The following CALD1 variants were observed in gnomAD, a reference collection of about 807,000 sequenced individuals.
CALD1 encodes caldesmon.
Under a neutral mutation model 99.9 loss-of-function variants are expected in CALD1, and 33 were observed. The ratio of observed to expected loss-of-function variants is 0.33; its 90% confidence interval spans 0.25 to 0.44. The LOEUF (loss-of-function observed/expected upper bound fraction) is 0.44. CALD1 is among the 20% of genes least tolerant of loss of function. The pLI, the probability that CALD1 is intolerant of heterozygous loss-of-function variation, is 1.00. For missense variants in CALD1, 861 were observed against 962.1 expected (o/e 0.89, Z 1.39); for synonymous variants, 310 against 325.0 (o/e 0.95, Z 0.50).
chr7:134,847,715 T>A (rs1799910725), intron 2 of CALD1, among the ~76,000 whole-genome samples: 1 of 152,168 alleles, frequency 6.6e-6, no homozygotes, highest in South Asian at 2.1e-4. Context: ...AAGAGGCACC[T>A]CCATGAAAAC....
At chr7:134,935,657 G>T in intron 5 of CALD1, 31 bp from the exon 6 acceptor site, 1 of 1,590,856 alleles carries the variant, frequency 6.3e-7, no homozygotes, top group South Asian at 1.2e-5. Context: ...TCTTTTACTT[G>T]TGTGACCTTA....
intron 3 of CALD1, among the ~76,000 whole-genome samples, chr7:134,897,595 C>T (rs1467230587): frequency 6.6e-6 from 1 of 152,060 alleles, no homozygotes; most frequent in Admixed American, 6.6e-5. Flanking sequence ...ATCTCTGGTC[C>T]CTGCCTTCAG....
At chr7:134,950,284 C>T in intron 8 of CALD1, 90 bp from the exon 9 acceptor site, 5 of 1,320,204 alleles carry the variant, frequency 3.8e-6, no homozygotes, top group Non-Finnish European at 5.3e-6. Context: ...AGTCTGCTGC[C>T]TCTCCAACTG....
At chr7:134,715,958 T>G in the CALD1 span, among the ~76,000 whole-genome samples, 1 of 151,876 alleles carries the variant, frequency 6.6e-6, no homozygotes, top group Non-Finnish European at 1.5e-5. Context: ...TATTTTGTTT[T>G]ATTATTATTA....
chr7:134,832,512 G>A (rs1333370683), intron 1 of CALD1, among the ~76,000 whole-genome samples: 1 of 152,144 alleles, frequency 6.6e-6, no homozygotes, highest in African/African-American at 2.4e-5. Flanking sequence ...GATACTGTGG[G>A]GTATAAAGTT....
intron 1 of CALD1, among the ~76,000 whole-genome samples, chr7:134,834,607 G>C (rs554334032): frequency 4.1e-4 from 63 of 152,254 alleles, no homozygotes; most frequent in Admixed American, 3.1e-3. Context: ...TTGTCTTACT[G>C]ACCTCCAGGG....
At chr7:134,857,052 A>G (rs1446644709) in intron 2 of CALD1, among the ~76,000 whole-genome samples, 1 of 152,206 alleles carries the variant, frequency 6.6e-6, no homozygotes. Flanking sequence ...TGGTAATTAA[A>G]ATACAAGCTA....
chr7:134,857,711 G>T (rs1800377696), intron 2 of CALD1, among the ~76,000 whole-genome samples: 1 of 151,988 alleles, frequency 6.6e-6, no homozygotes, highest in African/African-American at 2.4e-5. Context: ...CCTTTAGTTG[G>T]GTTTCAAACC....
At chr7:134,821,069 A>G (rs1798754706) in intron 1 of CALD1, among the ~76,000 whole-genome samples, 1 of 152,166 alleles carries the variant, frequency 6.6e-6, no homozygotes, top group South Asian at 2.1e-4. Flanking sequence ...ATAAAATGAA[A>G]GCTAAGCAAC....
chr7:134,949,730 C>T (rs377527291), intron 8 of CALD1, among the ~76,000 whole-genome samples: 16 of 152,210 alleles, frequency 1.1e-4, no homozygotes, highest in African/African-American at 3.9e-4. Context: ...AGTGTGAGGT[C>T]ATTGTTAATG....
At chr7:134,714,753 A>G in the CALD1 span, among the ~76,000 whole-genome samples, 1 of 152,226 alleles carries the variant, frequency 6.6e-6, no homozygotes, top group East Asian at 1.9e-4. Flanking sequence ...AGAAATTTCT[A>G]GAAAATGGGT....
chr7:134,807,577 G>A, intron 1 of CALD1, among the ~76,000 whole-genome samples: 1 of 152,160 alleles, frequency 6.6e-6, no homozygotes, highest in African/African-American at 2.4e-5. Flanking sequence ...CTGGAATATG[G>A]GGGAGCATGA....
At chr7:134,889,661 C>CTATCGAGCAGAA (rs1802047894) in intron 3 of CALD1, among the ~76,000 whole-genome samples, 1 of 152,202 alleles carries the variant, frequency 6.6e-6, no homozygotes, top group East Asian at 1.9e-4. Context: ...ATACATGTTT[C>CTATCGAGCAGAA]TGTCTCAGTT....
intron 3 of CALD1, among the ~76,000 whole-genome samples, chr7:134,905,914 C>T (rs1484396030): frequency 1.4e-5 from 2 of 146,288 alleles, no homozygotes; most frequent in Non-Finnish European, 3.0e-5. Flanking sequence ...TTTTGGACCT[C>T]TCTATATCTT....
intron 1 of CALD1, among the ~76,000 whole-genome samples, chr7:134,794,535 G>A (rs1465740383): frequency 6.6e-6 from 1 of 152,162 alleles, no homozygotes; most frequent in Non-Finnish European, 1.5e-5. Context: ...CGCCCGGGCT[G>A]GAGTGCAGTG....
At chr7:134,754,332 G>A (rs569848488) in intron 1 of CALD1, among the ~76,000 whole-genome samples, 17 of 152,274 alleles carry the variant, frequency 1.1e-4, no homozygotes, top group East Asian at 5.8e-4. Flanking sequence ...GGCCACTGTC[G>A]CTTATAAATT....
At chr7:134,900,416 C>T (rs556089890) in intron 3 of CALD1, among the ~76,000 whole-genome samples, 1 of 152,216 alleles carries the variant, frequency 6.6e-6, no homozygotes, top group Non-Finnish European at 1.5e-5. Context: ...GTACATTGGA[C>T]TGGAAGCAGA....
chr7:134,802,548 G>C (rs1797988248), intron 1 of CALD1, among the ~76,000 whole-genome samples: 1 of 152,174 alleles, frequency 6.6e-6, no homozygotes, highest in Admixed American at 6.5e-5. Flanking sequence ...TTATGATGGG[G>C]TTATATCCTG....
At chr7:134,895,676 G>C (rs192096040) in intron 3 of CALD1, among the ~76,000 whole-genome samples, 1 of 152,162 alleles carries the variant, frequency 6.6e-6, no homozygotes, top group African/African-American at 2.4e-5. Flanking sequence ...AATCTGGTGA[G>C]AGAGGCCTTC....
Sources: allele counts gnomAD v4.1 joint callset (sites outside exome capture counted in the v4.1 genomes callset), GRCh38; gene constraint gnomAD v4.1.1; transcripts MANE v1.5; gene names NCBI Gene and HGNC (gene_info 2026-07-23, HGNC 2026-07-21).